NFIA: variants seen among roughly 807,000 people sequenced by gnomAD.
NFIA encodes the protein nuclear factor 1 A-type.
In NFIA, 8 loss-of-function variants were observed where a neutral mutation model predicts 62.8. The ratio of observed to expected loss-of-function variants is 0.13; its 90% CI spans 0.07 to 0.23. The LOEUF (loss-of-function observed/expected upper bound fraction) is 0.23, where lower values mean the gene tolerates loss of function less well. NFIA is among the 10% of genes least tolerant of loss of function. The pLI is 1.00. For missense variants in NFIA, 410 were observed against 642.1 expected, an observed-to-expected ratio of 0.64 and a Z score of 3.91; for synonymous variants, 235 against 238.1, an observed-to-expected ratio of 0.99 and a Z score of 0.12.
intron 2 of NFIA, among the ~76,000 whole-genome samples, chr1:61,153,221 T>C (rs1310756898): frequency 1.3e-5 from 2 of 152,266 alleles, no homozygotes; most frequent in African/African-American, 4.8e-5. Context: ...CTGTGCCTTC[T>C]AGTTTGCCAT....
chr1:61,262,114 ACT>A (rs928886680), intron 2 of NFIA, among the ~76,000 whole-genome samples: 1 of 151,996 alleles, frequency 6.6e-6, no homozygotes, highest in Non-Finnish European at 1.5e-5. Flanking sequence ...GTTGTTCTAT[ACT>A]CTCTCTCTTT....
chr1:61,354,849 G>A (rs1030983160), intron 5 of NFIA, among the ~76,000 whole-genome samples: 7 of 152,134 alleles, frequency 4.6e-5, no homozygotes, highest in South Asian at 2.1e-4. Flanking sequence ...TCCCTTGAAC[G>A]ACAGCGTCTA....
In NFIA at chr1:61,209,010, G is replaced by T. The variant is rs1354561653; in HGVS notation, c.560-68510G>T. On this transcript the variant is annotated intron_variant, in intron 2 of 10. Coordinates refer to ENST00000403491, the MANE Select transcript of NFIA (RefSeq NM_001134673.4). ...CCAGAGTAGAGGAGTCATTCCCAGC[G>T]CTGCCTGGGAGGAGGATGAATTTCC... is the stretch of plus-strand genomic sequence containing the variant. Among the ~76,000 whole-genome samples the T allele has an allele frequency of 3.3e-5, 5 of 152,174 alleles. 1 individual carries two copies. In the Middle Eastern group the frequency reaches 0.01, roughly 311 times the overall value.
intron 7 of NFIA, among the ~76,000 whole-genome samples, chr1:61,386,793 G>T (rs1664710121): frequency 6.6e-6 from 1 of 152,194 alleles, no homozygotes; most frequent in African/African-American, 2.4e-5. Context: ...TGTCTGTTTT[G>T]ACTGCCAGAA....
At chr1:61,380,325 C>A (rs1382938001) in intron 6 of NFIA, among the ~76,000 whole-genome samples, 2 of 152,056 alleles carry the variant, frequency 1.3e-5, no homozygotes, top group African/African-American at 4.8e-5. Flanking sequence ...CATCCGTAGT[C>A]TTTTTTTAAA....
At chr1:61,116,123 A>G (rs891549643) in intron 2 of NFIA, among the ~76,000 whole-genome samples, 1 of 151,948 alleles carries the variant, frequency 6.6e-6, no homozygotes, top group African/African-American at 2.4e-5. Flanking sequence ...CTCAGCTACA[A>G]CAAAGTTAAA....
chr1:61,306,155 T>C (rs1443519500), intron 3 of NFIA, among the ~76,000 whole-genome samples: 1 of 151,828 alleles, frequency 6.6e-6, no homozygotes, highest in Non-Finnish European at 1.5e-5. Context: ...CAGCCTTCTT[T>C]TGATTGTTTT....
chr1:61,278,264 A>G (rs1657932419), intron 3 of NFIA, among the ~76,000 whole-genome samples: 1 of 152,230 alleles, frequency 6.6e-6, no homozygotes, highest in South Asian at 2.1e-4. Context: ...AAGTATGAAA[A>G]ATACTGTCAT....
upstream of NFIA, among the ~76,000 whole-genome samples, chr1:61,080,147 A>G (rs780102947): frequency 1.3e-5 from 2 of 152,178 alleles, no homozygotes; most frequent in Non-Finnish European, 2.9e-5. Flanking sequence ...CCCATATCCA[A>G]AAGTCTTACG....
chr1:61,222,150 G>T (rs1654054578), intron 2 of NFIA, among the ~76,000 whole-genome samples: 1 of 152,140 alleles, frequency 6.6e-6, no homozygotes, highest in East Asian at 1.9e-4. Flanking sequence ...GGATAGTGTG[G>T]GCTCTTTGTT....
At chr1:61,392,561 G>C (rs1665033387) in intron 7 of NFIA, among the ~76,000 whole-genome samples, 1 of 151,964 alleles carries the variant, frequency 6.6e-6, no homozygotes, top group Non-Finnish European at 1.5e-5. Flanking sequence ...GCTTGGGTTT[G>C]TGTAACGTTC....
chr1:61,453,448 T>C (rs1024135452), intron 10 of NFIA, among the ~76,000 whole-genome samples: 1 of 145,340 alleles, frequency 6.9e-6, no homozygotes, highest in African/African-American at 2.5e-5. Flanking sequence ...AGAAACTTTT[T>C]TTTTTTTTTT....
At chr1:61,288,380 G>T (rs1224872641) in intron 3 of NFIA, among the ~76,000 whole-genome samples, 6 of 152,152 alleles carry the variant, frequency 3.9e-5, no homozygotes, top group Non-Finnish European at 8.8e-5. Context: ...GGACAACTTT[G>T]CTAGGTATGA....
At chr1:61,406,457 A>C (rs1665823900) in intron 8 of NFIA, 105 bp from the exon 9 acceptor site, 1 of 948,798 alleles carries the variant, frequency 1.1e-6, no homozygotes, top group Non-Finnish European at 1.6e-6. Context: ...AGTAATTTAC[A>C]TTAAAGGTGC....
chr1:61,091,733 G>A (rs1483587456), intron 2 of NFIA, among the ~76,000 whole-genome samples: 4 of 152,098 alleles, frequency 2.6e-5, no homozygotes, highest in Non-Finnish European at 5.9e-5. Context: ...ACGTGGCAAG[G>A]TCACAATTTA....
intron 2 of NFIA, among the ~76,000 whole-genome samples, chr1:61,267,259 A>C (rs1374927086): frequency 6.6e-6 from 1 of 152,200 alleles, no homozygotes; most frequent in Non-Finnish European, 1.5e-5. Flanking sequence ...CTGTAATCCC[A>C]GCACTTTGGG....
At chr1:61,170,542 T>C (rs906488682) in intron 2 of NFIA, among the ~76,000 whole-genome samples, 1 of 152,186 alleles carries the variant, frequency 6.6e-6, no homozygotes, top group African/African-American at 2.4e-5. Flanking sequence ...CTAGCCTGTG[T>C]AGGATTTCTG....
chr1:61,300,927 GAGAAAAAGAATTGAACAA>G (rs1223526802), intron 3 of NFIA, among the ~76,000 whole-genome samples: 2 of 152,054 alleles, frequency 1.3e-5, no homozygotes, highest in Non-Finnish European at 2.9e-5. Context: ...GTAAAAATCA[GAGAAAAAGAATTGAACAA>G]AGGTTCTACC....
At chr1:61,208,024 G>T (rs1328656675) in intron 2 of NFIA, among the ~76,000 whole-genome samples, 1 of 146,594 alleles carries the variant, frequency 6.8e-6, no homozygotes, top group Non-Finnish European at 1.5e-5. Flanking sequence ...GATGGATAAG[G>T]TAAGGCACTG....
Sources: gnomAD v4.1 joint callset for allele counts (sites outside exome capture counted in the v4.1 genomes callset) on GRCh38, gnomAD v4.1.1 for gene constraint, MANE v1.5 for transcripts, NCBI Gene and HGNC (gene_info 2026-07-23, HGNC 2026-07-21) for gene names.